RBM20: variants seen among roughly 807,000 people sequenced by gnomAD.
RBM20 encodes the protein RNA-binding protein 20.
A neutral mutation model predicts 110.1 loss-of-function variants in RBM20; 51 were observed. The ratio of observed to expected loss-of-function variants is 0.46; its 90% CI spans 0.37 to 0.59. The LOEUF (loss-of-function observed/expected upper bound fraction) is 0.59. Ranked by LOEUF, RBM20 falls within the 20% of genes least tolerant of loss-of-function variation. RBM20 has a pLI of 0.00. For missense variants in RBM20, 1,512 were observed against 1,574.9 expected (o/e 0.96, Z 0.68); for synonymous variants, 589 against 618.2 (o/e 0.95, Z 0.70).
At chr10:110,750,860 T>C (rs921698493) in intron 1 of RBM20, among the ~76,000 whole-genome samples, 1 of 152,214 alleles carries the variant, frequency 6.6e-6, no homozygotes, top group Non-Finnish European at 1.5e-5. Context: ...AAGGGTGCGA[T>C]GGGTCTCTAA....
At chr10:110,804,442 T>A (rs1310069875) in intron 7 of RBM20, among the ~76,000 whole-genome samples, 1 of 152,206 alleles carries the variant, frequency 6.6e-6, no homozygotes, top group East Asian at 1.9e-4. Flanking sequence ...TTCTGATTGC[T>A]CTTTCTCCTC....
At chr10:110,695,785 C>T in intron 1 of RBM20, among the ~76,000 whole-genome samples, 1 of 152,196 alleles carries the variant, frequency 6.6e-6, no homozygotes, top group East Asian at 1.9e-4. Context: ...GTGACAGGCA[C>T]TGAGAGGTAG....
intron 7 of RBM20, among the ~76,000 whole-genome samples, chr10:110,801,984 G>T (rs188225471): frequency 6.6e-6 from 1 of 152,106 alleles, no homozygotes; most frequent in East Asian, 1.9e-4. Context: ...CTTTTCTTTT[G>T]CATTGTGTCT....
chr10:110,673,490 G>T (rs577781149), intron 1 of RBM20, among the ~76,000 whole-genome samples: 2 of 152,202 alleles, frequency 1.3e-5, no homozygotes, highest in Non-Finnish European at 2.9e-5. Context: ...GATCACAGGC[G>T]TGAGCCACCA....
chr10:110,665,864 C>T (rs1380115805), intron 1 of RBM20, among the ~76,000 whole-genome samples: 2 of 151,926 alleles, frequency 1.3e-5, no homozygotes, highest in African/African-American at 4.8e-5. Context: ...TCATGGTCGT[C>T]CAGCACTTTG....
intron 7 of RBM20, among the ~76,000 whole-genome samples, chr10:110,801,020 C>T (rs1466316553): frequency 6.6e-6 from 1 of 152,182 alleles, no homozygotes; most frequent in Non-Finnish European, 1.5e-5. Context: ...GAGGTACATA[C>T]ATAACTAAGA....
At chr10:110,816,028 T>C (rs1363655111) in intron 9 of RBM20, among the ~76,000 whole-genome samples, 2 of 152,146 alleles carry the variant, frequency 1.3e-5, no homozygotes. Flanking sequence ...CCCACAGGGC[T>C]GCCCCTGGAG....
chr10:110,788,193 C>A (rs1401982180), intron 5 of RBM20, among the ~76,000 whole-genome samples: 1 of 152,282 alleles, frequency 6.6e-6, no homozygotes, highest in Admixed American at 6.5e-5. Flanking sequence ...TGATCCTCCT[C>A]TTTAGTAAGC....
chr10:110,742,107 T>C (rs1843731530), intron 1 of RBM20, among the ~76,000 whole-genome samples: 1 of 152,122 alleles, frequency 6.6e-6, no homozygotes, highest in Admixed American at 6.5e-5. Flanking sequence ...ATGATGTAGT[T>C]CCTGTAAAAA....
chr10:110,777,848 C>T (rs1844287262), intron 1 of RBM20, among the ~76,000 whole-genome samples: 1 of 152,208 alleles, frequency 6.6e-6, no homozygotes, highest in Non-Finnish European at 1.5e-5. Context: ...TCATGGAAAC[C>T]AACTTGGCAC....
chr10:110,810,329 C>T, intron 7 of RBM20, 54 bp from the exon 8 acceptor site: 5 of 1,327,694 alleles, frequency 3.8e-6, no homozygotes, highest in Non-Finnish European at 5.3e-6. Flanking sequence ...CTGCTTCCCT[C>T]AGGTGTTTGC....
chr10:110,791,000 A>G (rs940311841), intron 5 of RBM20, among the ~76,000 whole-genome samples: 2 of 152,242 alleles, frequency 1.3e-5, no homozygotes, highest in Non-Finnish European at 2.9e-5. Context: ...TGAATCGTCC[A>G]AGATCCGTAG....
At position 110,668,519 on chromosome 10, in the gene RBM20, T is replaced by C. The variant is rs149769834; in HGVS notation, c.191+23874T>C. ...GGGTTGAAGGGGAGACACTGGATTATAGGGGAGACCTTGTCATTCAAGCAG... is the reference window on the plus strand; with the variant it reads ...GGGTTGAAGGGGAGACACTGGATTACAGGGGAGACCTTGTCATTCAAGCAG... On this transcript the variant is annotated intron_variant, in intron 1 of 13. Coordinates refer to ENST00000369519, the MANE Select transcript of RBM20 (RefSeq NM_001134363.3). Among the ~76,000 whole-genome samples, 173 of 152,170 alleles carry C rather than the reference T, an allele frequency of 1.1e-3. 2 individuals are homozygous for C. Among genetic ancestry groups the C allele is most frequent in the African/African-American group, 4.0e-3 (165 of 41,518 alleles).
chr10:110,777,946 T>G (rs960364444), intron 1 of RBM20, among the ~76,000 whole-genome samples: 4 of 152,264 alleles, frequency 2.6e-5, no homozygotes, highest in Admixed American at 6.5e-5. Context: ...GGTTTTGAGT[T>G]AAGCTTAATT....
chr10:110,782,066 G>A (rs1747946119), intron 2 of RBM20, among the ~76,000 whole-genome samples, 182 bp downstream of exon 2: 1 of 152,218 alleles, frequency 6.6e-6, no homozygotes, highest in Non-Finnish European at 1.5e-5. Context: ...AAATGTATCA[G>A]GACCAGTCCC....
chr10:110,776,252 A>C lies in RBM20; in HGVS notation c.192-4549A>C, dbSNP rs577042400. On this transcript the variant is annotated intron_variant, in intron 1 of 13. Transcript: ENST00000369519. ...TACCAGCAAGGTCCAGTCAGCCCCT[A>C]CACCTACCACCGCCTCTCTAGTGGA... Among the ~76,000 whole-genome samples, 6 of 152,304 alleles carry C rather than the reference A, an allele frequency of 3.9e-5. No homozygotes were observed. In the South Asian group the frequency reaches 1.2e-3, roughly 32 times the overall value.
Position 110,780,787 on chromosome 10 carries a change from C to T in RBM20, c.192-14C>T. 6.7e-7 allele frequency: 1 copy of T among 1,499,788 alleles called. No homozygotes were observed. The highest frequency in any genetic ancestry group is 8.9e-7 in the Non-Finnish European group (1 of 1,119,298). 92.9% of individuals were successfully genotyped at this position (1,499,788 alleles called of 1,614,324 possible). A position where few individuals can be genotyped will look rare whatever the true frequency, so the allele number is the denominator to read the frequency against. On this transcript the variant is annotated splice_polypyrimidine_tract_variant and intron_variant, in intron 1 of 13. Coordinates refer to ENST00000369519, the MANE Select transcript of RBM20 (RefSeq NM_001134363.3). Reference sequence around the variant, plus strand: ...GAAAACCAGCTGTGCATCTAGACCTCTGTCTTCCCACAGTGCCGCCAAGCT... The same window carrying T: ...GAAAACCAGCTGTGCATCTAGACCTTTGTCTTCCCACAGTGCCGCCAAGCT...
chr10:110,783,080 T>C (rs1418562587), intron 2 of RBM20, among the ~76,000 whole-genome samples: 1 of 151,752 alleles, frequency 6.6e-6, no homozygotes, highest in Non-Finnish European at 1.5e-5. Flanking sequence ...GGGGCAAGGG[T>C]CCATTGAGAG....
chr10:110,822,464 C>T (rs1844926785), intron 11 of RBM20: 1 of 456,820 alleles, frequency 2.2e-6, no homozygotes, highest in Non-Finnish European at 4.4e-6. Flanking sequence ...TCAGGATATT[C>T]TCTCACTCCA....
Sources: allele counts gnomAD v4.1 joint callset (sites outside exome capture counted in the v4.1 genomes callset), GRCh38; gene constraint gnomAD v4.1.1; transcripts MANE v1.5; gene names NCBI Gene and HGNC (gene_info 2026-07-23, HGNC 2026-07-21).